The following TTC34 variants were observed in gnomAD, a reference collection of about 807,000 sequenced individuals.
The protein encoded by TTC34 is tetratricopeptide repeat protein 34.
In TTC34, 44 loss-of-function variants were observed where a neutral mutation model predicts 40.7. That is an observed-to-expected ratio of 1.08 (90% CI 0.85 to 1.39). The LOEUF (loss-of-function observed/expected upper bound fraction) is 1.39. TTC34 is among the 40% of genes most tolerant of loss of function. The probability of loss-of-function intolerance (pLI) is 0.00; values close to 1 mark genes in which losing one functional copy is unlikely to be tolerated. For missense variants in TTC34, 884 were observed against 838.0 expected, an observed-to-expected ratio of 1.05 and a Z score of -0.68; for synonymous variants, 422 against 398.6, an observed-to-expected ratio of 1.06 and a Z score of -0.70.
At position 2,752,139 on chromosome 1, in the gene TTC34, C is replaced by T. The variant is rs1380504813; in HGVS notation, c.2226+31470G>A. Among the ~76,000 whole-genome samples, 11 of 58,260 alleles carry T rather than the reference C, an allele frequency of 1.9e-4. 4 individuals are homozygous for T. The East Asian group carries it at 7.4e-3, about 39-fold the overall frequency. 38.2% of individuals were successfully genotyped at this position (58,260 alleles called of 152,430 possible). A position where few individuals can be genotyped will look rare whatever the true frequency, so the allele number is the denominator to read the frequency against. On this transcript the variant is annotated intron_variant, in intron 6 of 8. Transcript: ENST00000401095. ...GGAGCAACACCCACGCCCCCAGGTG[C>T]GCATGTGATGGTCTGGAGCAGCACC...
chr1:2,675,221 G>C (rs1285126685), intron 6 of TTC34, among the ~76,000 whole-genome samples: 1 of 143,924 alleles, frequency 6.9e-6, no homozygotes, highest in Non-Finnish European at 1.6e-5. Context: ...GCATCTGAGA[G>C]CCTGGAACAG....
chr1:2,767,722 G>A (rs556287012), intron 6 of TTC34, among the ~76,000 whole-genome samples: 5 of 130,006 alleles, frequency 3.8e-5, no homozygotes, highest in African/African-American at 8.9e-5. Context: ...ACAGAACCCC[G>A]CTCTTCCAGG....
exon 9 of TTC34, chr1:2,641,605 G>C (rs1234258305): frequency 1.3e-6 from 2 of 1,534,240 alleles, no homozygotes; most frequent in South Asian, 1.2e-5. Context: ...TCAGGGCCTG[G>C]GCAAAGGCCC....
intron 6 of TTC34, among the ~76,000 whole-genome samples, chr1:2,657,385 A>C (rs1223680269): frequency 8.5e-5 from 8 of 94,662 alleles, no homozygotes; most frequent in African/African-American, 2.5e-4. Context: ...CCACACCCCG[A>C]GGTGAGCATC....
At chr1:2,749,851 G>A (rs1170315505) in intron 6 of TTC34, among the ~76,000 whole-genome samples, 135 of 122,222 alleles carry the variant, frequency 1.1e-3, no homozygotes, top group Middle Eastern at 4.0e-3. Context: ...ACACCCCCAG[G>A]TGAACATCCG....
At position 2,652,685 on chromosome 1, in the gene TTC34, C is replaced by T. The variant is rs1260565289; in HGVS notation, c.2227-7122G>A. On this transcript the variant is annotated intron_variant, in intron 6 of 8. Coordinates refer to ENST00000401095, the Ensembl canonical transcript of TTC34. ...TGACATCGTGGAGCAGCAGCCCACA[C>T]CCACAGGTGAGCATCTGACAGCCTG... 3.3e-4 allele frequency among the ~76,000 whole-genome samples: 50 copies of T among 151,146 alleles called. No homozygotes were observed. The East Asian group carries it at 8.6e-3, about 26-fold the overall frequency.
chr1:2,748,137 A>C (rs1641210079), intron 6 of TTC34, among the ~76,000 whole-genome samples: 2 of 77,118 alleles, frequency 2.6e-5, no homozygotes. Flanking sequence ...CGAGCATCTG[A>C]ACTCATGGAG....
intron 8 of TTC34, among the ~76,000 whole-genome samples, chr1:2,642,143 G>A (rs1048924929): frequency 1.3e-5 from 2 of 152,202 alleles, no homozygotes; most frequent in African/African-American, 4.8e-5. Flanking sequence ...ACCTGCCAAA[G>A]TGCTGTTCCG....
chr1:2,683,577 G>T (rs1289330723), intron 6 of TTC34, among the ~76,000 whole-genome samples: 2 of 144,702 alleles, frequency 1.4e-5, no homozygotes, highest in Admixed American at 1.4e-4. Context: ...CCGACAGCCT[G>T]GAACAGCACC....
At chr1:2,769,656 G>A (rs1238139361) in intron 6 of TTC34, among the ~76,000 whole-genome samples, 4 of 138,820 alleles carry the variant, frequency 2.9e-5, no homozygotes, top group South Asian at 2.3e-4. Context: ...TGACAGCCTG[G>A]AGCAGCACCC....
exon 5 of TTC34, chr1:2,785,952 C>A: frequency 6.6e-7 from 1 of 1,522,174 alleles, no homozygotes; most frequent in Non-Finnish European, 8.9e-7. Flanking sequence ...GCTGCCGGTC[C>A]TCGTGGCAGA....
Position 2,685,967 on chromosome 1 carries a change from C to A in TTC34, c.2227-40404G>T, listed in dbSNP as rs572239999. On this transcript the variant is annotated intron_variant, in intron 6 of 8. Coordinates refer to ENST00000401095, the Ensembl canonical transcript of TTC34. Reference sequence around the variant, plus strand: ...CGGGAACAGCACCCACACCCACAGGCGAGCATCTGACTGCATGTATCAGCA... The same window carrying A: ...CGGGAACAGCACCCACACCCACAGGAGAGCATCTGACTGCATGTATCAGCA... Among the ~76,000 whole-genome samples, 54 of 75,010 alleles carry A rather than the reference C, an allele frequency of 7.2e-4. 1 individual carries two copies. The highest frequency in any genetic ancestry group is 5.1e-3 in the Admixed American group (37 of 7,238). The allele number at this position is 75,010 out of a possible 152,430, so 49.2% of individuals were successfully genotyped here.
exon 9 of TTC34, chr1:2,641,620 G>A (rs1055033902): frequency 2.2e-5 from 33 of 1,534,450 alleles, no homozygotes; most frequent in African/African-American, 9.6e-5. Context: ...AGGCCCCTGC[G>A]GCCGCCGCCT....
chr1:2,747,672 CAA>C (rs1641197209), intron 6 of TTC34, among the ~76,000 whole-genome samples: 1 of 131,802 alleles, frequency 7.6e-6, no homozygotes, highest in Admixed American at 7.8e-5. Context: ...GAACAGCACG[CAA>C]ACCCCCAGGT....
At chr1:2,686,647 G>T (rs112833189) in intron 6 of TTC34, among the ~76,000 whole-genome samples, 1 of 133,728 alleles carries the variant, frequency 7.5e-6, no homozygotes, top group Non-Finnish European at 1.6e-5. Flanking sequence ...CACACACCCA[G>T]GTGAGCATCT....
At chr1:2,650,105 A>G (rs149007480) in intron 6 of TTC34, among the ~76,000 whole-genome samples, 3,161 of 142,664 alleles carry the variant, frequency 0.022, 174 homozygotes, top group African/African-American at 0.08. Flanking sequence ...CCAGGTGAAC[A>G]TCTGACAGCC....
chr1:2,686,247 G>A lies in TTC34; in HGVS notation c.2227-40684C>T, dbSNP rs796909586. On this transcript the variant is annotated intron_variant, in intron 6 of 8. Transcript: ENST00000401095. ...CCTGGAGCAGTGCCCACACCCCCAG[G>A]TGAGCATCTGACAGCGTGGAGGAGC... 3.4e-5 allele frequency among the ~76,000 whole-genome samples: 5 copies of A among 148,900 alleles called. No individual in the cohort carries two copies. In the East Asian group the frequency reaches 7.9e-4, roughly 23 times the overall value.
intron 6 of TTC34, among the ~76,000 whole-genome samples, chr1:2,686,240 C>G (rs201465709): frequency 1.2e-4 from 17 of 147,010 alleles, no homozygotes; most frequent in African/African-American, 4.5e-4. Flanking sequence ...AGTGCCCACA[C>G]CCCCAGGTGA....
chr1:2,680,660 ACC>A (rs1338215678), intron 6 of TTC34, among the ~76,000 whole-genome samples: 7 of 88,722 alleles, frequency 7.9e-5, no homozygotes, highest in Admixed American at 1.2e-4. Context: ...CAGCACCCAC[ACC>A]CCCAGGTGAG....
Sources: allele counts gnomAD v4.1 joint callset (sites outside exome capture counted in the v4.1 genomes callset), GRCh38; gene constraint gnomAD v4.1.1; transcripts MANE v1.5; gene names NCBI Gene and HGNC (gene_info 2026-07-23, HGNC 2026-07-21).